Variants in SLC35F4 observed in about 807,000 individuals in gnomAD.
SLC35F4 encodes the protein solute carrier family 35 member F4.
In SLC35F4, 24 loss-of-function variants were observed where a neutral mutation model predicts 44.2. The observed-to-expected ratio is 0.54, with a 90% CI of 0.39 to 0.76. The LOEUF (loss-of-function observed/expected upper bound fraction) is 0.76, where lower values mean the gene tolerates loss of function less well. Ranked by LOEUF, SLC35F4 falls within the 30% of genes least tolerant of loss-of-function variation. The pLI is 0.00. For missense variants in SLC35F4, 562 were observed against 586.1 expected (o/e 0.96, Z 0.42); for synonymous variants, 238 against 223.6 (o/e 1.06, Z -0.57).
rs139313612 is a variant in SLC35F4, at chr14:57,876,053, G to A, written n.282+105860C>T. The stretch of plus-strand genomic sequence containing the variant: ...ATTAAAAGGTTACCTGCAACAACGA[G>A]ATTTGGTCTGAATAGAAACTGCAAC... On this transcript the variant is annotated intron_variant and non_coding_transcript_variant, in intron 1 of 1. Coordinates refer to the SLC35F4 transcript ENST00000556568. Among the ~76,000 whole-genome samples, 63 of 152,310 alleles carry A rather than the reference G, an allele frequency of 4.1e-4. No individual in the cohort carries two copies. The East Asian group carries it at 7.5e-3, about 18-fold the overall frequency.
intron 1 of SLC35F4, among the ~76,000 whole-genome samples, chr14:57,835,806 TAC>T (rs1489276553): frequency 1.3e-5 from 2 of 152,248 alleles, no homozygotes; most frequent in Non-Finnish European, 2.9e-5. Context: ...ACCTAAGTGT[TAC>T]CCTTGGCTCC....
chr14:57,964,991 A>AAATATATATATATATATAT (rs1555331532), intron 1 of SLC35F4, among the ~76,000 whole-genome samples: 6 of 115,696 alleles, frequency 5.2e-5, no homozygotes, highest in African/African-American at 2.2e-4. Context: ...AAAAAAAAAA[A>AAATATATATATATATATAT]ATATATATAT....
chr14:57,874,874 C>T (rs1200777488), intron 1 of SLC35F4, among the ~76,000 whole-genome samples: 2 of 151,950 alleles, frequency 1.3e-5, no homozygotes, highest in Non-Finnish European at 2.9e-5. Context: ...TGTCTATTTT[C>T]CAAAGTTTGT....
rs930274630 is a variant in SLC35F4 at position 57,962,914 on chromosome 14, G to A, written n.282+18999C>T. On this transcript the variant is annotated intron_variant and non_coding_transcript_variant, in intron 1 of 1. Transcript: ENST00000556568. The stretch of plus-strand genomic sequence containing the variant: ...CAATCCTGCAACAGGCTGTGTGCCG[G>A]AGGTTGGGGGAACAGAAATGAACAA... Among the ~76,000 whole-genome samples the A allele has an allele frequency of 5.3e-5, 8 of 152,300 alleles. No individual in the cohort carries two copies. The East Asian group carries it at 7.7e-4, about 15-fold the overall frequency.
intron 1 of SLC35F4, among the ~76,000 whole-genome samples, chr14:57,838,184 A>T (rs1472983273): frequency 2.0e-5 from 3 of 152,234 alleles, no homozygotes; most frequent in African/African-American, 7.2e-5. Context: ...CTATGAGCTC[A>T]GGTGGAAAAA....
At chr14:57,665,257 G>A (rs2074269620) in intron 1 of SLC35F4, among the ~76,000 whole-genome samples, 1 of 152,014 alleles carries the variant, frequency 6.6e-6, no homozygotes, top group African/African-American at 2.4e-5. Context: ...AGCTTACCCA[G>A]ACTCCGCCCA....
chr14:57,933,085 G>A (rs75539342), intron 1 of SLC35F4, among the ~76,000 whole-genome samples: 1,968 of 148,208 alleles, frequency 0.013, 36 homozygotes, highest in African/African-American at 0.046. Flanking sequence ...GCCCAAGCGC[G>A]ACCTTGGCTC....
chr14:57,688,752 G>C (rs8017978), intron 1 of SLC35F4, among the ~76,000 whole-genome samples: 1 of 151,882 alleles, frequency 6.6e-6, no homozygotes. Context: ...CTTCCTACTG[G>C]CTCATACTCA....
intron 1 of SLC35F4, among the ~76,000 whole-genome samples, chr14:57,769,697 T>C (rs1194978313): frequency 6.6e-6 from 1 of 152,192 alleles, no homozygotes; most frequent in Non-Finnish European, 1.5e-5. Context: ...CATCCCCTGC[T>C]ACAGGGCCCC....
intron 1 of SLC35F4, among the ~76,000 whole-genome samples, chr14:57,684,430 A>G (rs1228125347): frequency 1.3e-5 from 2 of 152,156 alleles, no homozygotes; most frequent in Non-Finnish European, 2.9e-5. Flanking sequence ...AGATTCTCAT[A>G]AGGAGCATGC....
chr14:57,641,819 A>G (rs947875327), intron 1 of SLC35F4, among the ~76,000 whole-genome samples: 4 of 152,052 alleles, frequency 2.6e-5, no homozygotes, highest in African/African-American at 9.7e-5. Context: ...TATGAAGATA[A>G]GCAACACTCA....
chr14:57,648,245 T>A (rs989029003), intron 1 of SLC35F4, among the ~76,000 whole-genome samples: 2 of 152,136 alleles, frequency 1.3e-5, no homozygotes, highest in Admixed American at 1.3e-4. Context: ...TGTTATAGCA[T>A]GGAAAATATG....
intron 1 of SLC35F4, among the ~76,000 whole-genome samples, chr14:57,658,327 C>A (rs1335474009): frequency 2.0e-5 from 3 of 152,120 alleles, no homozygotes; most frequent in Admixed American, 2.0e-4. Context: ...AATATGTAAG[C>A]TTTCTAAATG....
chr14:57,960,774 C>T (rs1419637449), intron 1 of SLC35F4, among the ~76,000 whole-genome samples: 2 of 152,098 alleles, frequency 1.3e-5, no homozygotes, highest in African/African-American at 2.4e-5. Flanking sequence ...ATCAAGGAGC[C>T]ATTAGAGTGA....
chr14:57,820,658 TAGAG>T (rs1323347300), intron 1 of SLC35F4, among the ~76,000 whole-genome samples: 1 of 152,212 alleles, frequency 6.6e-6, no homozygotes, highest in East Asian at 1.9e-4. Context: ...TGAGTGCCAA[TAGAG>T]AGGAGACAAA....
chr14:57,569,084 T>C (rs2068350092), intron 6 of SLC35F4, among the ~76,000 whole-genome samples: 1 of 152,104 alleles, frequency 6.6e-6, no homozygotes, highest in Non-Finnish European at 1.5e-5. Context: ...TTACAAGGAC[T>C]CGAGGTGACT....
At chr14:57,570,945 A>G (rs1224478514) in intron 5 of SLC35F4, among the ~76,000 whole-genome samples, 1 of 152,170 alleles carries the variant, frequency 6.6e-6, no homozygotes, top group African/African-American at 2.4e-5. Flanking sequence ...GGAGCAAGTT[A>G]GACAGTAATG....
At chr14:57,911,924 G>A (rs1384632091) in intron 1 of SLC35F4, among the ~76,000 whole-genome samples, 1 of 151,822 alleles carries the variant, frequency 6.6e-6, no homozygotes, top group African/African-American at 2.4e-5. Context: ...TTTCTATTTT[G>A]GAAGGTTATT....
intron 2 of SLC35F4, 147 bp from the exon 3 acceptor site, chr14:57,589,660 G>T: frequency 1.1e-6 from 1 of 910,974 alleles, no homozygotes; most frequent in Non-Finnish European, 1.6e-6. Context: ...CATTTGAAGA[G>T]ACTGATAACT....
Sources: allele counts gnomAD v4.1 joint callset (sites outside exome capture counted in the v4.1 genomes callset), GRCh38; gene constraint gnomAD v4.1.1; transcripts MANE v1.5; gene names NCBI Gene and HGNC (gene_info 2026-07-23, HGNC 2026-07-21).